Variants in ZRANB2 observed in about 807,000 individuals in gnomAD.
ZRANB2 encodes the protein zinc finger RANBP2-type containing 2, also known as zinc finger Ran-binding domain-containing protein 2.
ZRANB2 carries 19 observed loss-of-function variants against 53.4 expected under a neutral mutation model. The observed-to-expected ratio is 0.36, with a 90% CI of 0.25 to 0.52. The LOEUF (loss-of-function observed/expected upper bound fraction) is 0.52. ZRANB2 is among the 20% of genes least tolerant of loss of function. The pLI, the probability that ZRANB2 is intolerant of heterozygous loss-of-function variation, is 0.93. For missense variants in ZRANB2, 309 were observed against 401.1 expected (o/e 0.77, Z 1.96); for synonymous variants, 145 against 134.8 (o/e 1.08, Z -0.52).
intron 1 of ZRANB2, among the ~76,000 whole-genome samples, chr1:71,079,075 C>T (rs1365080373): frequency 3.3e-5 from 5 of 152,098 alleles, no homozygotes; most frequent in Non-Finnish European, 5.9e-5. Flanking sequence ...AGTTTTAAAC[C>T]CTAGCGGTGG....
At chr1:71,072,955 C>A (rs1300457270) in intron 4 of ZRANB2, among the ~76,000 whole-genome samples, 1 of 152,090 alleles carries the variant, frequency 6.6e-6, no homozygotes, top group South Asian at 2.1e-4. Flanking sequence ...AGTCTGAAAT[C>A]TTCTGATATT....
At position 71,076,820 on chromosome 1, in the gene ZRANB2, C is replaced by T. The variant is rs1231540778; in HGVS notation, c.276G>A (p.Lys92=). 8 of 1,611,268 alleles carry T rather than the reference C, an allele frequency of 5.0e-6. No individual in the cohort carries two copies. Among genetic ancestry groups the T allele is most frequent in the Admixed American group, 1.7e-5 (1 of 59,488 alleles). The stretch of plus-strand genomic sequence containing the variant: ...CTGTTCTTTCTTCTAATTTAGCATA[C>T]TTTGGAGTATTACACATATTACACT... ...RSECNMCNTP[K]YAKLEERTGY... The change falls in exon 4 of 10, where the codon AAG becomes AAA. Residue 92 remains lysine (K), a synonymous_variant. Coordinates refer to ENST00000370920, the MANE Select transcript of ZRANB2 (RefSeq NM_203350.3).
chr1:71,074,470 A>G (rs920735376), intron 4 of ZRANB2, among the ~76,000 whole-genome samples: 1 of 152,178 alleles, frequency 6.6e-6, no homozygotes, highest in Non-Finnish European at 1.5e-5. Flanking sequence ...AATGGAAAAA[A>G]AGCGGGAAAG....
At chr1:71,065,370 A>T (rs1661401611) in intron 9 of ZRANB2, among the ~76,000 whole-genome samples, 1 of 152,084 alleles carries the variant, frequency 6.6e-6, no homozygotes, top group African/African-American at 2.4e-5. Flanking sequence ...AAAGAATCTC[A>T]TTTCAAAATA....
chr1:71,068,623 A>G (rs936210670), intron 8 of ZRANB2, among the ~76,000 whole-genome samples: 1 of 152,160 alleles, frequency 6.6e-6, no homozygotes. Context: ...AAATGTATAT[A>G]CAGTACTCTA....
intron 4 of ZRANB2, among the ~76,000 whole-genome samples, chr1:71,072,881 C>T (rs1661624922): frequency 6.6e-6 from 1 of 152,084 alleles, no homozygotes; most frequent in African/African-American, 2.4e-5. Context: ...AATCGTAATT[C>T]TTCTGGGAAG....
At chr1:71,065,623 A>C in intron 9 of ZRANB2, 1 of 1,544,754 alleles carries the variant, frequency 6.5e-7, no homozygotes, top group Non-Finnish European at 8.7e-7. Context: ...AGATGATTGT[A>C]CAATTTGCTA....
At chr1:71,075,506 CAT>C (rs1661689344) in intron 4 of ZRANB2, among the ~76,000 whole-genome samples, 1 of 152,028 alleles carries the variant, frequency 6.6e-6, no homozygotes, top group Admixed American at 6.6e-5. Context: ...GAGCTGGAGA[CAT>C]AAACTTGGGT....
intron 8 of ZRANB2, among the ~76,000 whole-genome samples, chr1:71,068,683 C>T (rs1302171561): frequency 6.6e-6 from 1 of 152,066 alleles, no homozygotes; most frequent in African/African-American, 2.4e-5. Context: ...AATATTGAAA[C>T]AACTGCCGTG....
chr1:71,076,982 C>T (rs1661723636), intron 3 of ZRANB2, 105 bp from the exon 4 acceptor site: 1 of 828,768 alleles, frequency 1.2e-6, no homozygotes, highest in Non-Finnish European at 1.9e-6. Context: ...AAACCACTGT[C>T]AAAGAAATGT....
intron 3 of ZRANB2, among the ~76,000 whole-genome samples, chr1:71,078,127 G>A (rs914180408): frequency 1.3e-5 from 2 of 152,032 alleles, no homozygotes; most frequent in African/African-American, 2.4e-5. Context: ...TAACTATACA[G>A]TCTAAAAATT....
chr1:71,073,563 T>C (rs1351656353), intron 4 of ZRANB2, among the ~76,000 whole-genome samples: 2 of 151,956 alleles, frequency 1.3e-5, no homozygotes, highest in African/African-American at 2.4e-5. Context: ...CCCACACTAA[T>C]ATAGCATCTT....
At chr1:71,079,710 C>T (rs1387918716) in intron 1 of ZRANB2, among the ~76,000 whole-genome samples, 2 of 152,148 alleles carry the variant, frequency 1.3e-5, no homozygotes, top group African/African-American at 4.8e-5. Flanking sequence ...AGAGTCCTAC[C>T]TCTGGGTGTG....
Position 71,066,904 on chromosome 1 carries a change from A to G in ZRANB2, c.801T>C (p.Ser267=), listed in dbSNP as rs761021233. 4.9e-5 allele frequency: 79 copies of G among 1,599,894 alleles called. 1 individual carries two copies. The highest frequency in any genetic ancestry group is 6.4e-5 in the Non-Finnish European group (75 of 1,173,858). Residue 267 remains serine (S), a synonymous_variant, in exon 9 of 10, where the codon TCT becomes TCC. Coordinates refer to ENST00000370920, the MANE Select transcript of ZRANB2 (RefSeq NM_203350.3). ...RSSSRSHRGS[S]SPRKRSYSSS... is the part of the protein sequence containing the mutation. ...TTGAATAAGATCTTTTTCGTGGGGA[A>G]GAAGAGCCCCTGTGGGACCTGGAGC...
chr1:71,066,699 C>T (rs1661448255), intron 9 of ZRANB2, 77 bp downstream of exon 9: 3 of 1,474,464 alleles, frequency 2.0e-6, no homozygotes, highest in Admixed American at 2.3e-5. Flanking sequence ...AAAAATCTAA[C>T]CCTTGACTAG....
intron 6 of ZRANB2, 149 bp from the exon 7 acceptor site, chr1:71,071,145 A>C (rs1661586384): frequency 1.6e-6 from 1 of 639,056 alleles, no homozygotes; most frequent in African/African-American, 1.9e-5. Context: ...TCACCTACTA[A>C]ACTCATCTCA....
At chr1:71,072,049 C>T (rs1386191065) in intron 6 of ZRANB2, 72 bp downstream of exon 6, 1 of 1,540,288 alleles carries the variant, frequency 6.5e-7, no homozygotes, top group Non-Finnish European at 8.7e-7. Flanking sequence ...GTGTCTGAGG[C>T]TGTCAAAAGC....
intron 4 of ZRANB2, among the ~76,000 whole-genome samples, chr1:71,076,086 A>G (rs1661704309): frequency 6.6e-6 from 1 of 152,166 alleles, no homozygotes; most frequent in African/African-American, 2.4e-5. Context: ...GTGACTAGAT[A>G]TAGAAGGAAT....
At chr1:71,065,554 A>G in intron 9 of ZRANB2, 1 of 1,365,736 alleles carries the variant, frequency 7.3e-7, no homozygotes, top group Non-Finnish European at 9.6e-7. Context: ...AGATACAGCA[A>G]GGCTTCTGTG....
Sources: allele counts gnomAD v4.1 joint callset (sites outside exome capture counted in the v4.1 genomes callset), GRCh38; gene constraint gnomAD v4.1.1; transcripts MANE v1.5; gene names NCBI Gene and HGNC (gene_info 2026-07-23, HGNC 2026-07-21).